The following LINGO2 variants were observed in gnomAD, a reference collection of about 807,000 sequenced individuals.
LINGO2 encodes leucine-rich repeat and immunoglobulin-like domain-containing nogo receptor-interacting protein 2.
LINGO2 carries 14 observed loss-of-function variants against 30.6 expected under a neutral mutation model. The observed-to-expected ratio is 0.46, with a 90% CI of 0.30 to 0.72. LINGO2 has a LOEUF of 0.72. Among genes scored for constraint, LINGO2 ranks in the 30% least tolerant of loss-of-function variants. LINGO2 has a pLI of 0.07. For synonymous variants in LINGO2, 317 were observed against 288.5 expected (o/e 1.10, Z -1.00); for missense variants, 729 against 751.7 (o/e 0.97, Z 0.35).
At chr9:28,666,653 T>G (rs898847460) in intron 1 of LINGO2, among the ~76,000 whole-genome samples, 2 of 152,172 alleles carry the variant, frequency 1.3e-5, no homozygotes, top group Non-Finnish European at 2.9e-5. Flanking sequence ...TGGCATCATG[T>G]GGTGAGCAGT....
At chr9:27,965,852 T>G (rs528986215) in intron 5 of LINGO2, among the ~76,000 whole-genome samples, 183 of 152,262 alleles carry the variant, frequency 1.2e-3, no homozygotes, top group African/African-American at 4.3e-3. Context: ...AGATGCCTGC[T>G]GGCCTCACAA....
downstream of LINGO2, among the ~76,000 whole-genome samples, chr9:27,946,127 AAAG>A (rs1823355758): frequency 6.6e-6 from 1 of 152,146 alleles, no homozygotes; most frequent in Admixed American, 6.6e-5. Flanking sequence ...TATAGCACGA[AAAG>A]AAGTGCTTTC....
At chr9:28,737,290 C>T in the LINGO2 span, among the ~76,000 whole-genome samples, 17 of 152,140 alleles carry the variant, frequency 1.1e-4, no homozygotes, top group Non-Finnish European at 2.1e-4. Flanking sequence ...ACTAAAGCCA[C>T]AATGAAGCTG....
At chr9:28,193,368 AAATT>A (rs1351361543) in intron 4 of LINGO2, among the ~76,000 whole-genome samples, 4 of 152,166 alleles carry the variant, frequency 2.6e-5, no homozygotes, top group African/African-American at 9.6e-5. Flanking sequence ...CTGACAAGTG[AAATT>A]AATTTTTATT....
intron 4 of LINGO2, among the ~76,000 whole-genome samples, chr9:28,268,088 A>AC (rs1003286068): frequency 2.6e-5 from 4 of 152,064 alleles, no homozygotes; most frequent in African/African-American, 9.7e-5. Flanking sequence ...CCACACAGCC[A>AC]CACACACAAA....
the LINGO2 span, among the ~76,000 whole-genome samples, chr9:28,744,127 A>G: frequency 2.7e-5 from 4 of 147,034 alleles, 1 homozygote; most frequent in Non-Finnish European, 6.0e-5. Flanking sequence ...CTTTTCAGCT[A>G]TTTTACTATA....
the LINGO2 span, among the ~76,000 whole-genome samples, chr9:29,169,230 G>A: frequency 6.6e-6 from 1 of 152,136 alleles, no homozygotes; most frequent in Non-Finnish European, 1.5e-5. Flanking sequence ...TTACAGGGGT[G>A]AGCCACCACA....
the LINGO2 span, among the ~76,000 whole-genome samples, chr9:28,900,613 G>A: frequency 2.0e-5 from 3 of 152,196 alleles, no homozygotes; most frequent in South Asian, 2.1e-4. Flanking sequence ...GACTCCAGCA[G>A]CAAGTCCATC....
chr9:28,614,060 C>T (rs1484000934), intron 1 of LINGO2, among the ~76,000 whole-genome samples: 3 of 152,000 alleles, frequency 2.0e-5, no homozygotes, highest in Non-Finnish European at 2.9e-5. Flanking sequence ...TTACTGATGC[C>T]TGGACTAGAT....
At position 28,509,014 on chromosome 9, in the gene LINGO2, T is replaced by C. The variant is rs1406112611; in HGVS notation, c.-364-32989A>G. ...CATACTAATCTGCTGCCATTTCATA[T>C]GGTAGGCCAAGAATCTAGCAGACTC... On this transcript the variant is annotated intron_variant, in intron 1 of 5. Transcript: ENST00000379992. Among the ~76,000 whole-genome samples the C allele has an allele frequency of 4.6e-5, 7 of 152,156 alleles. No individual in the cohort carries two copies. The East Asian group carries it at 9.6e-4, about 21-fold the overall frequency.
the LINGO2 span, among the ~76,000 whole-genome samples, chr9:28,904,293 T>C: frequency 6.6e-6 from 1 of 152,094 alleles, no homozygotes; most frequent in African/African-American, 2.4e-5. Context: ...GCTTTTCCTC[T>C]AAAACCAGAA....
chr9:28,119,089 C>G lies in LINGO2; in HGVS notation c.-86-106684G>C, dbSNP rs1827018554. On this transcript the variant is annotated intron_variant, in intron 4 of 5. Transcript: ENST00000379992. ...AATGTGTTTTTAAAAAAGAAGCTCA[C>G]TACTTCTCTTAGACTGCTATAATGG... Among the ~76,000 whole-genome samples, 3 of 152,140 alleles carry G rather than the reference C, an allele frequency of 2.0e-5. No individual in the cohort carries two copies. In the South Asian group the frequency reaches 6.2e-4, roughly 31 times the overall value.
At chr9:28,195,720 A>C (rs1819988414) in intron 4 of LINGO2, among the ~76,000 whole-genome samples, 2 of 151,446 alleles carry the variant, frequency 1.3e-5, no homozygotes, top group Admixed American at 1.3e-4. Flanking sequence ...TAAATAAGTA[A>C]ATCTCCTATT....
At chr9:28,355,511 A>C (rs1399385545) in intron 3 of LINGO2, among the ~76,000 whole-genome samples, 1 of 151,982 alleles carries the variant, frequency 6.6e-6, no homozygotes, top group East Asian at 1.9e-4. Flanking sequence ...CACCAGCTAA[A>C]ACACACATAT....
the LINGO2 span, among the ~76,000 whole-genome samples, chr9:28,805,766 C>T: frequency 6.6e-6 from 1 of 152,028 alleles, no homozygotes; most frequent in Non-Finnish European, 1.5e-5. Context: ...TTCCACAGAA[C>T]ATTGAATCCT....
At chr9:28,965,757 A>T in the LINGO2 span, among the ~76,000 whole-genome samples, 3 of 152,200 alleles carry the variant, frequency 2.0e-5, no homozygotes, top group Non-Finnish European at 2.9e-5. Flanking sequence ...TTCCAGACAA[A>T]ATGGTAGTAA....
the LINGO2 span, among the ~76,000 whole-genome samples, chr9:28,887,054 A>G: frequency 1.3e-5 from 2 of 152,096 alleles, no homozygotes; most frequent in Non-Finnish European, 2.9e-5. Flanking sequence ...AAGAAAGCCT[A>G]ATGTATGATT....
At chr9:27,940,746 A>C in the LINGO2 span, 6 of 152,382 alleles carry the variant, frequency 3.9e-5, no homozygotes, top group African/African-American at 1.4e-4. Flanking sequence ...AGAACTATGA[A>C]GAACTTCTAA....
the LINGO2 span, among the ~76,000 whole-genome samples, chr9:29,103,045 C>A: frequency 6.6e-6 from 1 of 152,096 alleles, no homozygotes; most frequent in South Asian, 2.1e-4. Context: ...AGAAACAAAA[C>A]AACAGTAAGG....
Sources: gnomAD v4.1 joint callset for allele counts (sites outside exome capture counted in the v4.1 genomes callset) on GRCh38, gnomAD v4.1.1 for gene constraint, MANE v1.5 for transcripts, NCBI Gene and HGNC (gene_info 2026-07-23, HGNC 2026-07-21) for gene names.